Variants in ZNF521 observed in about 807,000 individuals in gnomAD.
ZNF521 encodes LYST-interacting protein 3.
ZNF521 carries 14 observed loss-of-function variants against 105.5 expected under a neutral mutation model. That is an observed-to-expected ratio of 0.13 (90% CI 0.09 to 0.21). ZNF521 has a LOEUF of 0.21. Among genes scored for constraint, ZNF521 ranks in the 10% least tolerant of loss-of-function variants. ZNF521 has a pLI of 1.00. For missense variants in ZNF521, 1,233 were observed against 1,629.7 expected (o/e 0.76, Z 4.19); for synonymous variants, 635 against 606.0 (o/e 1.05, Z -0.70).
In ZNF521 at chr18:25,225,358, C is replaced by T; in HGVS notation, c.2560G>A (p.Glu854Lys). The change falls in exon 4 of 8, where the codon GAG becomes AAG. Residue 854 changes from glutamate to lysine, a missense_variant. This residue lies in a region of ZNF521 where 614 missense variants were observed against 751.5 expected (regional missense o/e 0.82). Coordinates refer to ENST00000361524, the MANE Select transcript of ZNF521 (RefSeq NM_015461.3). This position sits in a 1 kb window ranked among gnomAD's most constrained non-coding sequence, Gnocchi z 5.6. ...TNGASEQVQK[E>K]EVELQTLLTN... ...AGCAAAGTCTGCAGCTCCACTTCCTCTTTCTGCACTTGCTCGGAAGCTCCA... is the reference window on the plus strand; with the variant it reads ...AGCAAAGTCTGCAGCTCCACTTCCTTTTTCTGCACTTGCTCGGAAGCTCCA... The T allele has an allele frequency of 6.8e-6, 11 of 1,614,192 alleles. No individual in the cohort carries two copies. The highest frequency in any genetic ancestry group is 8.5e-6 in the Non-Finnish European group (10 of 1,180,026).
Position 25,224,470 on chromosome 18 carries a change from C to T in ZNF521, c.3448G>A (p.Glu1150Lys). ...TGGATGTGGTTCTGGAGTTCACTTTCAGACTCAAACTTAACGTTGCAGCTA... is the reference window on the plus strand; with the variant it reads ...TGGATGTGGTTCTGGAGTTCACTTTTAGACTCAAACTTAACGTTGCAGCTA... ...CSSCNVKFES[E>K]SELQNHIQTI... The change falls in exon 4 of 8, where the codon GAA becomes AAA. Residue 1150 changes from glutamate (E) to lysine (K), a missense_variant. Glu to Lys is a moderately conservative substitution (Grantham distance 56). Transcript: ENST00000361524. 1 of 1,614,070 alleles carries T rather than the reference C, an allele frequency of 6.2e-7. No homozygotes were observed.
intron 2 of ZNF521, among the ~76,000 whole-genome samples, chr18:25,346,524 C>T (rs1824747776): frequency 6.6e-6 from 1 of 152,154 alleles, no homozygotes; most frequent in South Asian, 2.1e-4. Flanking sequence ...GGCTTAAAAT[C>T]CATTGCCTTT....
intron 2 of ZNF521, among the ~76,000 whole-genome samples, chr18:25,322,623 T>C (rs948042442): frequency 2.7e-5 from 4 of 150,838 alleles, no homozygotes; most frequent in Non-Finnish European, 5.9e-5. Context: ...ATTACCAGAA[T>C]TAGCCAAAAG....
At chr18:25,284,202 A>C (rs1256161175) in intron 3 of ZNF521, among the ~76,000 whole-genome samples, 1 of 152,216 alleles carries the variant, frequency 6.6e-6, no homozygotes, top group African/African-American at 2.4e-5. Flanking sequence ...TTTACCAGAG[A>C]TAATAAAGAA....
intron 5 of ZNF521, among the ~76,000 whole-genome samples, chr18:25,160,156 G>A (rs1216881652): frequency 6.6e-5 from 10 of 152,098 alleles, no homozygotes; most frequent in African/African-American, 1.2e-4. Flanking sequence ...TATTTTAGCC[G>A]CATGTTTGTT....
At chr18:25,121,404 C>G (rs1269750928) in intron 5 of ZNF521, among the ~76,000 whole-genome samples, 1 of 151,862 alleles carries the variant, frequency 6.6e-6, no homozygotes, top group Admixed American at 6.6e-5. Context: ...AGGCACCTGC[C>G]ACCATGCCTG....
chr18:25,314,500 C>CATAA (rs1432249562), intron 3 of ZNF521, among the ~76,000 whole-genome samples: 1 of 152,168 alleles, frequency 6.6e-6, no homozygotes, highest in Non-Finnish European at 1.5e-5. Flanking sequence ...ATTAAATGGA[C>CATAA]ATACTACTTT....
intron 3 of ZNF521, among the ~76,000 whole-genome samples, chr18:25,233,722 CCAA>C (rs1472716923): frequency 6.6e-6 from 1 of 151,356 alleles, no homozygotes; most frequent in African/African-American, 2.4e-5. Flanking sequence ...TCGCTTTCCC[CCAA>C]CAACACTTTA....
chr18:25,225,897 G>A lies in ZNF521; in HGVS notation c.2021C>T (p.Pro674Leu), dbSNP rs1258682437. 1.2e-6 allele frequency: 2 copies of A among 1,614,138 alleles called. No individual in the cohort carries two copies. The highest frequency in any genetic ancestry group is 2.2e-5 in the East Asian group (1 of 44,868). ...ATGCTTCAGCAAGGATTCTTGGTTG[G>A]GGAATTCCTTGTTGCACTGAGGACA... Reference protein sequence around the residue: ...LTCPQCNKEFPNQESLLKHVT... With the variant: ...LTCPQCNKEFLNQESLLKHVT... Residue 674 changes from proline to leucine, a missense_variant, in exon 4 of 8, where the codon CCC becomes CTC. Coordinates refer to ENST00000361524, the MANE Select transcript of ZNF521 (RefSeq NM_015461.3). This position sits in a 1 kb window ranked among gnomAD's most constrained non-coding sequence, Gnocchi z 5.6.
At position 25,226,734 on chromosome 18, in the gene ZNF521, C is replaced by G; in HGVS notation, c.1184G>C (p.Gly395Ala). Residue 395 changes from glycine to alanine, a missense_variant, in exon 4 of 8, where the codon GGT (glycine) becomes GCT (alanine). By Grantham distance (60) the Gly-to-Ala change is moderately conservative. Coordinates refer to ENST00000361524, the MANE Select transcript of ZNF521 (RefSeq NM_015461.3). This position sits in a 1 kb window ranked among gnomAD's most constrained non-coding sequence, Gnocchi z 4.1. ...RAAQQTPDMTGPSSKQAKVTY... is the reference protein window; with the variant it reads ...RAAQQTPDMTAPSSKQAKVTY... ...AACTTTTGCTTGTTTACTCGAGGGA[C>G]CAGTCATGTCAGGGGTTTGTTGAGC... The G allele has an allele frequency of 6.2e-7, 1 of 1,614,072 alleles. No homozygotes were observed. The highest frequency in any genetic ancestry group is 8.5e-7 in the Non-Finnish European group (1 of 1,180,002).
intron 5 of ZNF521, among the ~76,000 whole-genome samples, chr18:25,113,291 T>A (rs1202368751): frequency 6.6e-6 from 1 of 152,088 alleles, no homozygotes; most frequent in Non-Finnish European, 1.5e-5. Flanking sequence ...TGTATCTAGT[T>A]ACAGCCCCAC....
intron 5 of ZNF521, among the ~76,000 whole-genome samples, chr18:25,117,082 C>CACACACACACACAT (rs1449131209): frequency 1.5e-4 from 12 of 81,278 alleles, no homozygotes; most frequent in Admixed American, 3.4e-4. Context: ...CACACACACA[C>CACACACACACACAT]ATACACACAT....
intron 5 of ZNF521, among the ~76,000 whole-genome samples, chr18:25,169,088 T>A (rs1268221779): frequency 6.6e-6 from 1 of 152,210 alleles, no homozygotes; most frequent in African/African-American, 2.4e-5. Flanking sequence ...ACAGAATATA[T>A]ACTTTGCTTT....
At chr18:25,177,871 G>T (rs867902640) in intron 5 of ZNF521, among the ~76,000 whole-genome samples, 1 of 152,148 alleles carries the variant, frequency 6.6e-6, no homozygotes, top group East Asian at 1.9e-4. Context: ...ATTGTTCCTC[G>T]TGGATTTTGG....
intron 3 of ZNF521, among the ~76,000 whole-genome samples, chr18:25,232,361 T>C (rs1164483636): frequency 2.0e-5 from 3 of 152,238 alleles, no homozygotes; most frequent in African/African-American, 7.2e-5. Flanking sequence ...GAAGAAAAGC[T>C]GCATATGTAA....
intron 5 of ZNF521, among the ~76,000 whole-genome samples, chr18:25,128,045 C>A (rs2144380212): frequency 6.6e-6 from 1 of 151,936 alleles, no homozygotes; most frequent in African/African-American, 2.4e-5. Flanking sequence ...GACCACTATG[C>A]CTCATGAACA....
At chr18:25,303,897 C>G (rs551813379) in intron 3 of ZNF521, among the ~76,000 whole-genome samples, 1 of 152,226 alleles carries the variant, frequency 6.6e-6, no homozygotes, top group African/African-American at 2.4e-5. Context: ...ATAGGTTGTT[C>G]AGGAAATTCA....
intron 4 of ZNF521, among the ~76,000 whole-genome samples, chr18:25,210,063 A>G (rs1349789808): frequency 6.6e-6 from 1 of 152,186 alleles, no homozygotes; most frequent in Admixed American, 6.5e-5. Context: ...AAAAAATTAT[A>G]TAAATATATG....
chr18:25,080,840 A>C (rs2033477720), intron 7 of ZNF521, among the ~76,000 whole-genome samples: 1 of 152,258 alleles, frequency 6.6e-6, no homozygotes, highest in African/African-American at 2.4e-5. Flanking sequence ...AAACTGATCC[A>C]TGTGTGGTGC....
Sources: allele counts gnomAD v4.1 joint callset (sites outside exome capture counted in the v4.1 genomes callset), GRCh38; gene constraint gnomAD v4.1.1; regional missense constraint gnomAD v4.1.1; non-coding constraint Gnocchi (gnomAD v3.1); transcripts MANE v1.5; gene names NCBI Gene and HGNC (gene_info 2026-07-23, HGNC 2026-07-21).